Variants in PKP4 observed in about 807,000 individuals in gnomAD.
PKP4 encodes the protein plakophilin-4.
Under a neutral mutation model 145.1 loss-of-function variants are expected in PKP4, and 90 were observed. The ratio of observed to expected loss-of-function variants is 0.62; its 90% CI spans 0.52 to 0.74. The LOEUF is 0.74. Among genes scored for constraint, PKP4 ranks in the 30% least tolerant of loss-of-function variants. The probability of loss-of-function intolerance (pLI) is 0.00; values close to 1 mark genes in which losing one functional copy is unlikely to be tolerated. For missense variants in PKP4, 1,340 were observed against 1,482.7 expected (o/e 0.90, Z 1.58); for synonymous variants, 563 against 577.2 (o/e 0.98, Z 0.35).
chr2:158,517,785 T>C (rs1023718126), intron 1 of PKP4, among the ~76,000 whole-genome samples: 2 of 151,648 alleles, frequency 1.3e-5, no homozygotes, highest in African/African-American at 4.8e-5. Context: ...CTCAGTGGTG[T>C]CGTGCCACTG....
rs764476953 is a variant in PKP4, at chr2:158,621,043, A to C, written c.334A>C (p.Asn112His). 6.2e-7 allele frequency: 1 copy of C among 1,614,156 alleles called. No individual in the cohort carries two copies. The highest frequency in any genetic ancestry group is 8.5e-7 in the Non-Finnish European group (1 of 1,180,004). Residue 112 changes from asparagine to histidine, a missense_variant, in exon 5 of 22, where the codon AAC (asparagine) becomes CAC (histidine). Asn to His is a moderately conservative substitution (Grantham distance 68). Coordinates refer to ENST00000389759, the MANE Select transcript of PKP4 (RefSeq NM_003628.6). ...TAGAGTTTCTGACGCTGTCCAGCCC[A>C]ACAACTATCTCATCAGGACAGAGCC... Reference protein sequence around the residue: ...KPRVSDAVQPNNYLIRTEPEQ... With the variant: ...KPRVSDAVQPHNYLIRTEPEQ...
At chr2:158,591,114 G>T (rs900458353) in intron 3 of PKP4, among the ~76,000 whole-genome samples, 1 of 152,026 alleles carries the variant, frequency 6.6e-6, no homozygotes, top group African/African-American at 2.4e-5. Context: ...CAGAGCAAAT[G>T]AAATTATTTC....
Position 158,631,829 on chromosome 2 carries a change from C to T in PKP4, c.1230C>T (p.His410=). The T allele has an allele frequency of 6.2e-7, 1 of 1,614,058 alleles. No homozygotes were observed. Among genetic ancestry groups the T allele is most frequent in the Non-Finnish European group, 8.5e-7 (1 of 1,179,928 alleles). ...GTTCTGCCGTGTCTCCCGACTTGCA[C>T]ATTACTCCTATATATGAGGGGAGGA... ...DLRSAVSPDL[H]ITPIYEGRTY... The change falls in exon 8 of 22, where the codon CAC becomes CAT. Residue 410 remains histidine, a synonymous_variant. Transcript: ENST00000389759.
intron 2 of PKP4, among the ~76,000 whole-genome samples, chr2:158,552,318 A>C (rs1482127224): frequency 6.6e-6 from 1 of 152,190 alleles, no homozygotes; most frequent in South Asian, 2.1e-4. Context: ...GGTTTCTAGA[A>C]CTGTGAGAAT....
intron 1 of PKP4, among the ~76,000 whole-genome samples, chr2:158,492,612 C>T (rs540601117): frequency 7.8e-4 from 119 of 152,254 alleles, no homozygotes; most frequent in Middle Eastern, 3.4e-3. Context: ...TCTTGCCCAT[C>T]AACACTTGAC....
At chr2:158,555,013 A>G (rs932711800) in intron 2 of PKP4, among the ~76,000 whole-genome samples, 1 of 152,304 alleles carries the variant, frequency 6.6e-6, no homozygotes, top group African/African-American at 2.4e-5. Context: ...ATAGCTTCCA[A>G]AGAATATATC....
intron 4 of PKP4, 137 bp from the exon 5 acceptor site, chr2:158,620,853 G>A (rs1013235951): frequency 6.0e-6 from 4 of 663,230 alleles, no homozygotes; most frequent in Admixed American, 5.3e-5. Flanking sequence ...AGAGTCAGAT[G>A]TGCTGTGTAA....
At chr2:158,477,113 C>T (rs1692602201) in intron 1 of PKP4, among the ~76,000 whole-genome samples, 1 of 151,866 alleles carries the variant, frequency 6.6e-6, no homozygotes, top group Non-Finnish European at 1.5e-5. Flanking sequence ...TTATGACTGC[C>T]TTGAAGTTAA....
chr2:158,563,603 A>G (rs368045222), intron 2 of PKP4, among the ~76,000 whole-genome samples: 1 of 152,088 alleles, frequency 6.6e-6, no homozygotes, highest in African/African-American at 2.4e-5. Context: ...TTTGATGATT[A>G]TTGGGTTGTT....
chr2:158,490,216 A>G (rs1051522420), intron 1 of PKP4, among the ~76,000 whole-genome samples: 3 of 152,146 alleles, frequency 2.0e-5, no homozygotes, highest in Admixed American at 6.5e-5. Context: ...TAGCTTATAA[A>G]CAGTTACTGT....
At chr2:158,626,598 G>A (rs929944912) in intron 7 of PKP4, among the ~76,000 whole-genome samples, 1 of 152,172 alleles carries the variant, frequency 6.6e-6, no homozygotes, top group South Asian at 2.1e-4. Context: ...TTCTAAGAAG[G>A]TTACACACGG....
chr2:158,545,873 T>C (rs997542370), intron 2 of PKP4, among the ~76,000 whole-genome samples: 27 of 152,338 alleles, frequency 1.8e-4, no homozygotes, highest in African/African-American at 6.3e-4. Flanking sequence ...ATATAGTTCC[T>C]CTCTTAAGGA....
intron 3 of PKP4, among the ~76,000 whole-genome samples, chr2:158,584,448 A>G (rs1429852562): frequency 6.6e-6 from 1 of 152,220 alleles, no homozygotes; most frequent in African/African-American, 2.4e-5. Flanking sequence ...TCACCGTTCC[A>G]GTAGGCATTG....
At chr2:158,600,436 A>G (rs866290881) in intron 3 of PKP4, among the ~76,000 whole-genome samples, 7 of 152,344 alleles carry the variant, frequency 4.6e-5, no homozygotes, top group South Asian at 2.1e-4. Context: ...TAGCCATTCA[A>G]TAAAAGTTGA....
intron 8 of PKP4, among the ~76,000 whole-genome samples, chr2:158,633,305 CAAAG>C (rs1362573594): frequency 2.6e-5 from 4 of 152,100 alleles, no homozygotes. Context: ...ACAACAATAA[CAAAG>C]AATGAAATAG....
rs577539235 is a variant in PKP4 at position 158,484,503 on chromosome 2, C to T, written c.-6+27285C>T. Among the ~76,000 whole-genome samples, 127 of 152,298 alleles carry T rather than the reference C, an allele frequency of 8.3e-4. 2 individuals carry two copies. The South Asian group carries it at 0.024, about 29-fold the overall frequency. On this transcript the variant is annotated intron_variant, in intron 1 of 21. Transcript: ENST00000389759. ...GATGTTTATGGTTCCAGGTTATATGCATGTTGTTGTCTATTCTTAGGAAGT... is the reference window on the plus strand; with the variant it reads ...GATGTTTATGGTTCCAGGTTATATGTATGTTGTTGTCTATTCTTAGGAAGT...
chr2:158,587,044 T>G (rs1337946078), intron 3 of PKP4, among the ~76,000 whole-genome samples: 1 of 152,162 alleles, frequency 6.6e-6, no homozygotes, highest in Admixed American at 6.5e-5. Flanking sequence ...TCACAGCAAA[T>G]AAGTATTCCA....
intron 17 of PKP4, among the ~76,000 whole-genome samples, chr2:158,671,744 C>T (rs1575112284): frequency 6.6e-6 from 1 of 152,206 alleles, no homozygotes; most frequent in Non-Finnish European, 1.5e-5. Flanking sequence ...TAGACGCAGA[C>T]AAGGTGCCAA....
chr2:158,511,501 A>C (rs1417850028), intron 1 of PKP4, among the ~76,000 whole-genome samples: 1 of 152,238 alleles, frequency 6.6e-6, no homozygotes, highest in African/African-American at 2.4e-5. Flanking sequence ...CATTACTACA[A>C]AACAAATGTT....
Sources: allele counts gnomAD v4.1 joint callset (sites outside exome capture counted in the v4.1 genomes callset), GRCh38; gene constraint gnomAD v4.1.1; transcripts MANE v1.5; gene names NCBI Gene and HGNC (gene_info 2026-07-23, HGNC 2026-07-21).